TRPM6: variants seen among roughly 807,000 people sequenced by gnomAD.
The protein encoded by TRPM6 is transient receptor potential cation channel subfamily M member 6, also known as channel kinase 2.
A neutral mutation model predicts 247.6 loss-of-function variants in TRPM6; 111 were observed. The observed-to-expected ratio is 0.45, with a 90% CI of 0.38 to 0.52. The LOEUF is 0.52. TRPM6 is among the 20% of genes least tolerant of loss of function. The pLI, the probability that TRPM6 is intolerant of heterozygous loss-of-function variation, is 0.00. For synonymous variants in TRPM6, 892 were observed against 853.8 expected (o/e 1.04, Z -0.78); for missense variants, 2,126 against 2,421.5 (o/e 0.88, Z 2.56).
intron 7 of TRPM6, among the ~76,000 whole-genome samples, chr9:74,824,935 A>G (rs961980440): frequency 6.6e-6 from 1 of 151,968 alleles, no homozygotes; most frequent in African/African-American, 2.4e-5. Context: ...TGCCAGAGTC[A>G]CCAAGAAGAC....
At chr9:74,789,708 C>A (rs971059165) in intron 19 of TRPM6, among the ~76,000 whole-genome samples, 8 of 151,936 alleles carry the variant, frequency 5.3e-5, no homozygotes, top group Non-Finnish European at 1.2e-4. Context: ...GCCTATAATC[C>A]CAGCCCTTTG....
intron 5 of TRPM6, among the ~76,000 whole-genome samples, chr9:74,838,334 C>T (rs1829797510): frequency 6.6e-6 from 1 of 152,222 alleles, no homozygotes; most frequent in Non-Finnish European, 1.5e-5. Context: ...GGACTTAGAA[C>T]TCTGCCAACT....
intron 1 of TRPM6, among the ~76,000 whole-genome samples, chr9:74,861,792 A>G (rs1196314081): frequency 6.6e-6 from 1 of 151,582 alleles, no homozygotes; most frequent in Non-Finnish European, 1.5e-5. Context: ...TTTTTTTTTC[A>G]TAGAATAATG....
chr9:74,876,695 G>T (rs1176814899), intron 1 of TRPM6, among the ~76,000 whole-genome samples: 1 of 152,124 alleles, frequency 6.6e-6, no homozygotes, highest in African/African-American at 2.4e-5. Flanking sequence ...TTTTAGGGCT[G>T]GCCAGTCACT....
intron 11 of TRPM6, among the ~76,000 whole-genome samples, chr9:74,816,369 TA>T (rs913711335): frequency 2.0e-5 from 3 of 146,594 alleles, no homozygotes; most frequent in Non-Finnish European, 4.5e-5. Flanking sequence ...AACTTGTGTC[TA>T]AAAATAAAAT....
At chr9:74,758,450 G>A (rs1826509974) in intron 27 of TRPM6, among the ~76,000 whole-genome samples, 1 of 152,026 alleles carries the variant, frequency 6.6e-6, no homozygotes, top group Non-Finnish European at 1.5e-5. Context: ...ATCCCAGTAA[G>A]GTAATTTAAT....
intron 3 of TRPM6, among the ~76,000 whole-genome samples, chr9:74,848,440 T>C (rs1389817105): frequency 6.6e-6 from 1 of 152,168 alleles, no homozygotes; most frequent in African/African-American, 2.4e-5. Context: ...ACAAAGCAAA[T>C]GGCAAGAGAT....
chr9:74,878,629 C>T (rs967132546), intron 1 of TRPM6, among the ~76,000 whole-genome samples: 1 of 152,082 alleles, frequency 6.6e-6, no homozygotes, highest in East Asian at 1.9e-4. Flanking sequence ...AGAATACAAT[C>T]CCCCCCGTGC....
intron 5 of TRPM6, among the ~76,000 whole-genome samples, chr9:74,834,807 G>A (rs1331305010): frequency 6.6e-6 from 1 of 152,086 alleles, no homozygotes; most frequent in Non-Finnish European, 1.5e-5. Context: ...TGGTGTATAT[G>A]TGCCACATTT....
At chr9:74,737,443 C>T (rs1335101787) in intron 36 of TRPM6, 3 of 1,289,728 alleles carry the variant, frequency 2.3e-6, no homozygotes, top group South Asian at 1.2e-5. Context: ...AATCCCAGAA[C>T]CAGAGAGCTG....
At chr9:74,870,652 A>AGTGGC (rs1830992863) in intron 1 of TRPM6, among the ~76,000 whole-genome samples, 1 of 152,084 alleles carries the variant, frequency 6.6e-6, no homozygotes, top group Non-Finnish European at 1.5e-5. Context: ...GGCTGGGCGC[A>AGTGGC]GTGGCTCACG....
intron 5 of TRPM6, among the ~76,000 whole-genome samples, chr9:74,836,782 G>C (rs1402767451): frequency 6.6e-6 from 1 of 152,116 alleles, no homozygotes; most frequent in South Asian, 2.1e-4. Context: ...CTCCAGCCAG[G>C]AGCTTTATCA....
At chr9:74,743,767 C>T (rs1825938182) in intron 32 of TRPM6, among the ~76,000 whole-genome samples, 1 of 152,194 alleles carries the variant, frequency 6.6e-6, no homozygotes, top group South Asian at 2.1e-4. Context: ...GCCTTTTCCC[C>T]AGTCCAAAAC....
intron 30 of TRPM6, among the ~76,000 whole-genome samples, chr9:74,749,430 AAT>A (rs1186752922): frequency 6.6e-6 from 1 of 152,204 alleles, no homozygotes; most frequent in African/African-American, 2.4e-5. Context: ...GTGATCACAC[AAT>A]ATATATAAGA....
intron 1 of TRPM6, among the ~76,000 whole-genome samples, chr9:74,885,670 G>A (rs1461980513): frequency 2.0e-5 from 3 of 152,204 alleles, no homozygotes; most frequent in African/African-American, 4.8e-5. Context: ...GAATAACTGA[G>A]TTATAGGTAG....
intron 11 of TRPM6, among the ~76,000 whole-genome samples, chr9:74,813,532 G>A (rs1404811544): frequency 6.6e-6 from 1 of 152,142 alleles, no homozygotes; most frequent in African/African-American, 2.4e-5. Flanking sequence ...TTCTGATAAT[G>A]TCACCAATAC....
intron 16 of TRPM6, among the ~76,000 whole-genome samples, chr9:74,801,298 G>T (rs60049250): frequency 1.5e-5 from 2 of 132,440 alleles, no homozygotes; most frequent in South Asian, 2.5e-4. Flanking sequence ...TCACTCTGTC[G>T]CCAGGCTGGA....
chr9:74,867,269 T>C (rs1023541396), intron 1 of TRPM6, among the ~76,000 whole-genome samples: 16 of 152,138 alleles, frequency 1.1e-4, no homozygotes, highest in African/African-American at 3.4e-4. Context: ...AAAGGGCAAA[T>C]AGCATCTTAG....
chr9:74,874,072 C>A (rs1831115741), intron 1 of TRPM6, among the ~76,000 whole-genome samples: 1 of 151,800 alleles, frequency 6.6e-6, no homozygotes, highest in East Asian at 1.9e-4. Context: ...CCTGCCTCTA[C>A]TAAAAATACA....
Sources: allele counts gnomAD v4.1 joint callset (sites outside exome capture counted in the v4.1 genomes callset), GRCh38; gene constraint gnomAD v4.1.1; transcripts MANE v1.5; gene names NCBI Gene and HGNC (gene_info 2026-07-23, HGNC 2026-07-21).